The following SHISA9 variants were observed in gnomAD, a reference collection of about 807,000 sequenced individuals.
SHISA9 encodes shisa family member 9.
Under a neutral mutation model 38.0 loss-of-function variants are expected in SHISA9, and 13 were observed. The ratio of observed to expected loss-of-function variants is 0.34; its 90% CI spans 0.22 to 0.54. SHISA9 has a LOEUF of 0.54. Among genes scored for constraint, SHISA9 ranks in the 20% least tolerant of loss-of-function variants. SHISA9 has a pLI of 0.91. For synonymous variants in SHISA9, 275 were observed against 242.0 expected (o/e 1.14, Z -1.27); for missense variants, 538 against 575.8 (o/e 0.93, Z 0.67).
the SHISA9 span, among the ~76,000 whole-genome samples, chr16:13,284,554 T>C: frequency 6.6e-6 from 1 of 152,198 alleles, no homozygotes; most frequent in Non-Finnish European, 1.5e-5. Flanking sequence ...TGGTCAGCTC[T>C]TTCTTTAGCT....
At chr16:13,354,538 T>C in the SHISA9 span, among the ~76,000 whole-genome samples, 1 of 150,356 alleles carries the variant, frequency 6.7e-6, no homozygotes, top group Non-Finnish European at 1.5e-5. Flanking sequence ...AGAAAGTATA[T>C]GCATCAGGTA....
At chr16:13,093,805 C>T (rs374236666) in intron 2 of SHISA9, among the ~76,000 whole-genome samples, 4 of 152,156 alleles carry the variant, frequency 2.6e-5, no homozygotes, top group South Asian at 2.1e-4. Flanking sequence ...CACAGCACTG[C>T]GGGGCCTATA....
At chr16:13,211,964 T>A (rs550943036) in intron 3 of SHISA9, among the ~76,000 whole-genome samples, 2 of 152,244 alleles carry the variant, frequency 1.3e-5, no homozygotes, top group African/African-American at 4.8e-5. Flanking sequence ...CCGACTCAGT[T>A]TTAACTTCCT....
chr16:13,385,483 A>G, the SHISA9 span, among the ~76,000 whole-genome samples: 1 of 149,534 alleles, frequency 6.7e-6, no homozygotes, highest in Non-Finnish European at 1.5e-5. Flanking sequence ...AAACTGTGGT[A>G]TATCCATACC....
At chr16:12,908,718 A>G in intron 1 of SHISA9, 1 of 1,464,726 alleles carries the variant, frequency 6.8e-7, no homozygotes, top group Non-Finnish European at 9.0e-7. Flanking sequence ...TCAAGAAGCT[A>G]CCGTAAGATG....
At chr16:12,982,670 C>G (rs2072255693) in intron 2 of SHISA9, among the ~76,000 whole-genome samples, 1 of 152,258 alleles carries the variant, frequency 6.6e-6, no homozygotes, top group Non-Finnish European at 1.5e-5. Context: ...CTAGGCTAGA[C>G]CAGGTTTAGT....
intron 2 of SHISA9, among the ~76,000 whole-genome samples, chr16:12,999,844 G>A (rs1367429733): frequency 3.3e-5 from 5 of 152,140 alleles, no homozygotes; most frequent in Non-Finnish European, 1.5e-5. Flanking sequence ...GCCCTTTCCC[G>A]CAAGTGTCCA....
At chr16:12,998,226 T>A (rs1343623287) in intron 2 of SHISA9, among the ~76,000 whole-genome samples, 2 of 152,242 alleles carry the variant, frequency 1.3e-5, no homozygotes, top group East Asian at 3.8e-4. Flanking sequence ...GTTTACTTCA[T>A]AGAGCCTGGA....
chr16:13,508,738 A>G, the SHISA9 span, among the ~76,000 whole-genome samples: 1 of 152,216 alleles, frequency 6.6e-6, no homozygotes, highest in African/African-American at 2.4e-5. Flanking sequence ...ATGTGGATGT[A>G]TTTTCTCATC....
chr16:13,450,461 C>T, the SHISA9 span, among the ~76,000 whole-genome samples: 27 of 152,236 alleles, frequency 1.8e-4, no homozygotes, highest in Admixed American at 6.5e-5. Context: ...TTCATGGCCA[C>T]TTCAACTTTC....
chr16:13,401,809 A>C, the SHISA9 span, among the ~76,000 whole-genome samples: 1 of 152,332 alleles, frequency 6.6e-6, no homozygotes, highest in South Asian at 2.1e-4. Context: ...TATATAAAGA[A>C]AAAGAGGTTT....
chr16:13,066,892 A>G (rs1179464135), intron 2 of SHISA9, among the ~76,000 whole-genome samples: 1 of 152,236 alleles, frequency 6.6e-6, no homozygotes, highest in African/African-American at 2.4e-5. Flanking sequence ...ATCCTCCTGC[A>G]TTGAGACTCT....
intron 2 of SHISA9, among the ~76,000 whole-genome samples, chr16:13,133,979 T>A (rs1379345930): frequency 6.6e-6 from 1 of 152,224 alleles, no homozygotes; most frequent in Non-Finnish European, 1.5e-5. Flanking sequence ...AATTTCCTAC[T>A]GACAATGTAC....
At chr16:13,355,796 A>G in the SHISA9 span, among the ~76,000 whole-genome samples, 4 of 152,152 alleles carry the variant, frequency 2.6e-5, no homozygotes, top group Admixed American at 1.3e-4. Flanking sequence ...GTGATGGTCT[A>G]GGGGGCTTCC....
the SHISA9 span, among the ~76,000 whole-genome samples, chr16:13,447,305 C>A: frequency 6.6e-6 from 1 of 152,120 alleles, no homozygotes; most frequent in Admixed American, 6.5e-5. Flanking sequence ...GTTCCTAAGT[C>A]TAGAAAGTGG....
intron 2 of SHISA9, among the ~76,000 whole-genome samples, chr16:12,982,372 TCCATCATCTCA>T (rs2141824227): frequency 6.6e-6 from 1 of 152,328 alleles, no homozygotes; most frequent in South Asian, 2.1e-4. Flanking sequence ...TTAGAACACT[TCCATCATCTCA>T]GAAGGTTCTG....
the SHISA9 span, among the ~76,000 whole-genome samples, chr16:13,359,963 G>T: frequency 6.6e-6 from 1 of 152,214 alleles, no homozygotes; most frequent in Non-Finnish European, 1.5e-5. Context: ...AGTTTCATCT[G>T]TGCATGCCCC....
the SHISA9 span, among the ~76,000 whole-genome samples, chr16:13,297,717 C>A: frequency 3.3e-5 from 5 of 152,148 alleles, no homozygotes; most frequent in African/African-American, 9.6e-5. Context: ...TCAGGTGCTC[C>A]CTTCTACAGG....
intron 2 of SHISA9, among the ~76,000 whole-genome samples, chr16:13,014,375 T>G (rs9939765): frequency 0.031 from 4,648 of 152,250 alleles, 224 homozygotes; most frequent in African/African-American, 0.1. Flanking sequence ...ACCCTTCCCT[T>G]TTTGTTTTTT....
Sources: gnomAD v4.1 joint callset for allele counts (sites outside exome capture counted in the v4.1 genomes callset) on GRCh38, gnomAD v4.1.1 for gene constraint, MANE v1.5 for transcripts, NCBI Gene and HGNC (gene_info 2026-07-23, HGNC 2026-07-21) for gene names.